PDE4D: variants seen among roughly 807,000 people sequenced by gnomAD.
PDE4D encodes the protein phosphodiesterase 4D, also known as 3',5'-cyclic-AMP phosphodiesterase 4D.
Under a neutral mutation model 87.4 loss-of-function variants are expected in PDE4D, and 24 were observed. That is an observed-to-expected ratio of 0.27 (90% CI 0.20 to 0.39). PDE4D has a LOEUF of 0.39. Among genes scored for constraint, PDE4D ranks in the 10% least tolerant of loss-of-function variants. The probability of loss-of-function intolerance (pLI) is 1.00; values close to 1 mark genes in which losing one functional copy is unlikely to be tolerated. For missense variants in PDE4D, 714 were observed against 1,041.0 expected (o/e 0.69, Z 4.32); for synonymous variants, 384 against 383.2 (o/e 1.00, Z -0.02).
chr5:60,291,551 A>G (rs1752899730), intron 1 of PDE4D, among the ~76,000 whole-genome samples: 1 of 152,072 alleles, frequency 6.6e-6, no homozygotes, highest in African/African-American at 2.4e-5. Flanking sequence ...TTTAGAGAAG[A>G]GATGATGCTA....
intron 1 of PDE4D, among the ~76,000 whole-genome samples, chr5:59,807,724 G>T (rs1767900017): frequency 6.6e-6 from 1 of 152,194 alleles, no homozygotes; most frequent in African/African-American, 2.4e-5. Context: ...ATTTGAACTT[G>T]ATCTTCCAGG....
intron 1 of PDE4D, among the ~76,000 whole-genome samples, chr5:59,364,028 T>A (rs991764132): frequency 1.6e-4 from 24 of 152,208 alleles, no homozygotes; most frequent in Admixed American, 3.9e-4. Flanking sequence ...GGTAACAATG[T>A]GCTAGGGGCT....
At chr5:59,607,337 C>T (rs566562431) in intron 1 of PDE4D, among the ~76,000 whole-genome samples, 2 of 152,232 alleles carry the variant, frequency 1.3e-5, no homozygotes, top group East Asian at 3.9e-4. Context: ...ATCCATGCCC[C>T]TCCCCTTTCC....
chr5:59,874,140 T>C (rs1426308805), intron 1 of PDE4D, among the ~76,000 whole-genome samples: 1 of 152,084 alleles, frequency 6.6e-6, no homozygotes, highest in Non-Finnish European at 1.5e-5. Context: ...GAATTCAAAG[T>C]AGCAGTGAGC....
At chr5:59,031,383 AT>A (rs1207826536) in intron 6 of PDE4D, among the ~76,000 whole-genome samples, 82 of 62,644 alleles carry the variant, frequency 1.3e-3, no homozygotes, top group African/African-American at 4.9e-3. Flanking sequence ...ATATATATAT[AT>A]ATATATATTA....
rs78278202 is a variant in PDE4D, at chr5:60,285,004, T to C, written c.-89-99317A>G. On this transcript the variant is annotated intron_variant, in intron 1 of 16. Coordinates refer to the PDE4D transcript ENST00000502484. ...CATCATCTATGGCTTACAGTGTTTC[T>C]TTGTAATTGAGAAGTTAAGGCACTT... 6.7e-3 allele frequency among the ~76,000 whole-genome samples: 1,014 copies of C among 152,176 alleles called. 7 individuals are homozygous for C. The highest frequency in any genetic ancestry group is 0.024 in the African/African-American group (977 of 41,498).
intron 1 of PDE4D, among the ~76,000 whole-genome samples, chr5:59,810,178 C>T (rs1768188122): frequency 6.6e-6 from 1 of 152,156 alleles, no homozygotes; most frequent in African/African-American, 2.4e-5. Context: ...CAAAACGTGG[C>T]GTGGGAAAAC....
chr5:59,299,847 C>T (rs763532911), intron 1 of PDE4D, among the ~76,000 whole-genome samples: 20 of 152,162 alleles, frequency 1.3e-4, no homozygotes, highest in Non-Finnish European at 1.8e-4. Context: ...CAGTGGCTCA[C>T]GCCTTTAATC....
chr5:60,360,842 T>A (rs994547870), intron 1 of PDE4D, among the ~76,000 whole-genome samples: 2 of 152,216 alleles, frequency 1.3e-5, no homozygotes, highest in African/African-American at 2.4e-5. Flanking sequence ...TGTTAGAGAA[T>A]GAATGGTGAG....
intron 1 of PDE4D, among the ~76,000 whole-genome samples, chr5:59,493,281 G>A (rs116143311): frequency 0.013 from 1,953 of 152,190 alleles, 40 homozygotes; most frequent in African/African-American, 0.043. Context: ...TCAAAAATCC[G>A]TGTACTAAAG....
chr5:60,010,193 T>A (rs1764894154), intron 2 of PDE4D, among the ~76,000 whole-genome samples: 2 of 152,144 alleles, frequency 1.3e-5, no homozygotes, highest in South Asian at 4.1e-4. Context: ...CTGTTACGTA[T>A]TTCCTCAAAG....
At chr5:59,412,475 T>C (rs1792858260) in intron 1 of PDE4D, among the ~76,000 whole-genome samples, 1 of 152,156 alleles carries the variant, frequency 6.6e-6, no homozygotes, top group Non-Finnish European at 1.5e-5. Context: ...GGGGAAGAAC[T>C]GATTATAGAG....
chr5:58,991,767 G>A (rs1458940607), intron 8 of PDE4D, 65 bp downstream of exon 8: 3 of 1,040,688 alleles, frequency 2.9e-6, no homozygotes, highest in Admixed American at 3.3e-5. Context: ...TAAAAGACTA[G>A]AAGTGAAAAT....
chr5:59,443,279 T>A (rs972587118), intron 1 of PDE4D, among the ~76,000 whole-genome samples: 1 of 152,180 alleles, frequency 6.6e-6, no homozygotes, highest in Non-Finnish European at 1.5e-5. Flanking sequence ...AAAAATTGAT[T>A]GCGTAGTTTC....
At chr5:59,244,856 C>G (rs1758539322) in intron 1 of PDE4D, among the ~76,000 whole-genome samples, 1 of 150,482 alleles carries the variant, frequency 6.6e-6, no homozygotes, top group Admixed American at 6.6e-5. Context: ...AAGGTTTATT[C>G]AGGAAATAAA....
chr5:59,461,503 A>G (rs778838565), intron 1 of PDE4D, among the ~76,000 whole-genome samples: 1 of 152,176 alleles, frequency 6.6e-6, no homozygotes, highest in Non-Finnish European at 1.5e-5. Context: ...TTAAGAAATT[A>G]TCTCTAGACC....
chr5:59,087,925 A>G (rs1768009201), intron 5 of PDE4D, among the ~76,000 whole-genome samples: 1 of 152,154 alleles, frequency 6.6e-6, no homozygotes, highest in Non-Finnish European at 1.5e-5. Context: ...CTAGTCTTGA[A>G]ATGGTATGTG....
intron 5 of PDE4D, among the ~76,000 whole-genome samples, chr5:59,170,963 C>T (rs903998902): frequency 3.3e-5 from 5 of 150,690 alleles, no homozygotes. Flanking sequence ...CTCACTGTAA[C>T]CTCTGCCTCC....
intron 2 of PDE4D, among the ~76,000 whole-genome samples, chr5:60,101,785 G>C (rs1202213648): frequency 6.6e-6 from 1 of 152,140 alleles, no homozygotes; most frequent in South Asian, 2.1e-4. Context: ...CCTTTTCAGA[G>C]ACTAGAAGAT....
Sources: gnomAD v4.1 joint callset for allele counts (sites outside exome capture counted in the v4.1 genomes callset) on GRCh38, gnomAD v4.1.1 for gene constraint, MANE v1.5 for transcripts, NCBI Gene and HGNC (gene_info 2026-07-23, HGNC 2026-07-21) for gene names.